ABI2: variants seen among roughly 807,000 people sequenced by gnomAD.
ABI2 encodes the protein abelson interactor 2.
A neutral mutation model predicts 59.2 loss-of-function variants in ABI2; 25 were observed. The ratio of observed to expected loss-of-function variants is 0.42; its 90% CI spans 0.31 to 0.59. The LOEUF is 0.59. ABI2 is among the 20% of genes least tolerant of loss of function. The pLI is 0.14. For missense variants in ABI2, 545 were observed against 681.8 expected (o/e 0.80, Z 2.23); for synonymous variants, 213 against 235.5 (o/e 0.90, Z 0.87).
At position 203,366,896 on chromosome 2, in the gene ABI2, C is replaced by T; in HGVS notation, c.137C>T (p.Ala46Val). 1.9e-6 allele frequency: 3 copies of T among 1,600,450 alleles called. No individual in the cohort carries two copies. The highest frequency in any genetic ancestry group is 1.7e-5 in the Admixed American group (1 of 58,990). ...NYIQSADKQR[A>V]LEETKAYTTQ... The stretch of plus-strand genomic sequence containing the variant: ...TCCCAGTCAGCAGATAAGCAGAGAG[C>T]CCTAGAAGAAACCAAAGCCTACACC... Residue 46 changes from alanine to valine, a missense_variant, in exon 2 of 12, where the codon GCC becomes GTC. By Grantham distance (64) the Ala-to-Val change is moderately conservative. Transcript: ENST00000261018.
chr2:203,410,941 A>C (rs556081856), intron 9 of ABI2, among the ~76,000 whole-genome samples: 1 of 151,354 alleles, frequency 6.6e-6, no homozygotes, highest in African/African-American at 2.4e-5. Context: ...TGATATGAAA[A>C]AAGATCAATT....
At chr2:203,378,194 G>C (rs1453938509) in intron 2 of ABI2, among the ~76,000 whole-genome samples, 4 of 151,212 alleles carry the variant, frequency 2.6e-5, no homozygotes, top group Non-Finnish European at 2.9e-5. Flanking sequence ...CTCATTGCAA[G>C]CTCTGCCTCC....
At chr2:203,415,365 C>G (rs1371677599) in intron 10 of ABI2, among the ~76,000 whole-genome samples, 1 of 152,072 alleles carries the variant, frequency 6.6e-6, no homozygotes, top group African/African-American at 2.4e-5. Context: ...CGCCTGTAAT[C>G]CCAGCACTTT....
intron 1 of ABI2, among the ~76,000 whole-genome samples, chr2:203,365,186 G>A (rs1277090535): frequency 6.6e-6 from 1 of 152,006 alleles, no homozygotes; most frequent in African/African-American, 2.4e-5. Flanking sequence ...CTTACTTTTT[G>A]GACTTTTTTT....
chr2:203,366,008 T>G (rs958275715), intron 1 of ABI2, among the ~76,000 whole-genome samples: 2 of 152,168 alleles, frequency 1.3e-5, no homozygotes, highest in African/African-American at 4.8e-5. Flanking sequence ...TTTTTTTACT[T>G]TTTGTGTTTT....
chr2:203,393,075 A>T (rs1559315712), intron 5 of ABI2, among the ~76,000 whole-genome samples: 2 of 152,060 alleles, frequency 1.3e-5, no homozygotes, highest in African/African-American at 4.8e-5. Context: ...TTTGAGACAG[A>T]GTCTCACTGG....
intron 4 of ABI2, among the ~76,000 whole-genome samples, chr2:203,387,489 G>A (rs1181568310): frequency 2.0e-5 from 3 of 152,172 alleles, no homozygotes; most frequent in Non-Finnish European, 4.4e-5. Flanking sequence ...AAGTGTTTGA[G>A]CTGTGGCCAT....
intron 1 of ABI2, among the ~76,000 whole-genome samples, chr2:203,331,169 G>A (rs984864185): frequency 2.6e-5 from 4 of 151,950 alleles, no homozygotes; most frequent in African/African-American, 4.8e-5. Context: ...CTCTCAGGAT[G>A]ATAGCTCTTA....
At chr2:203,333,796 T>C (rs1421185731) in intron 1 of ABI2, among the ~76,000 whole-genome samples, 5 of 152,224 alleles carry the variant, frequency 3.3e-5, no homozygotes, top group Admixed American at 6.5e-5. Flanking sequence ...GGAACTTAAG[T>C]GACCTCATAA....
intron 1 of ABI2, among the ~76,000 whole-genome samples, chr2:203,365,390 T>C (rs2152978088): frequency 6.6e-6 from 1 of 152,328 alleles, no homozygotes; most frequent in Non-Finnish European, 1.5e-5. Context: ...GCTTTTTCTC[T>C]TTCATCATTA....
chr2:203,387,337 A>G (rs2096570405), intron 4 of ABI2, among the ~76,000 whole-genome samples: 1 of 152,226 alleles, frequency 6.6e-6, no homozygotes. Context: ...CAGGATAGGT[A>G]GGAGCATTGT....
intron 9 of ABI2, among the ~76,000 whole-genome samples, chr2:203,407,267 T>C (rs1357860208): frequency 1.3e-5 from 2 of 152,188 alleles, no homozygotes; most frequent in African/African-American, 2.4e-5. Flanking sequence ...TTGGTATTCA[T>C]GTTTAGAAAA....
rs181881184 is a variant in ABI2 at position 203,359,846 on chromosome 2, G to T, written c.118-7031G>T. Among the ~76,000 whole-genome samples the T allele has an allele frequency of 0.011, 112 of 10,248 alleles. No individual in the cohort carries two copies. In the South Asian group the frequency reaches 0.17, roughly 16 times the overall value. The allele number at this position is 10,248 out of a possible 152,430, so 6.7% of individuals were successfully genotyped here. A position where few individuals can be genotyped will look rare whatever the true frequency, so the allele number is the denominator to read the frequency against. On this transcript the variant is annotated intron_variant, in intron 1 of 11. Coordinates refer to ENST00000261018, the MANE Select transcript of ABI2 (RefSeq NM_001375670.1). Reference sequence around the variant, plus strand: ...GTTAGGTTCCAACATGTACATTTTTGGGGGGGGGACACAAAAATTCAGACT... The same window carrying T: ...GTTAGGTTCCAACATGTACATTTTTTGGGGGGGGACACAAAAATTCAGACT...
chr2:203,354,125 A>G (rs143701304), intron 1 of ABI2, among the ~76,000 whole-genome samples: 114 of 152,014 alleles, frequency 7.5e-4, no homozygotes, highest in African/African-American at 2.7e-3. Flanking sequence ...GTTCACTGCA[A>G]CCTCCACCTC....
At position 203,394,801 on chromosome 2, in the gene ABI2, G is replaced by A. The variant is rs148405849; in HGVS notation, c.680G>A (p.Ser227Asn). 3.1e-6 allele frequency: 5 copies of A among 1,614,162 alleles called. No homozygotes were observed. In the South Asian group the frequency reaches 5.5e-5, roughly 18 times the overall value. Reference protein sequence around the residue: ...PTRNMAPSQQSPVRTASVNQR... With the variant: ...PTRNMAPSQQNPVRTASVNQR... ...CGTAATATGGCTCCCTCGCAGCAGAGCCCTGTGAGGACAGCTTCTGTGAAT... is the reference window on the plus strand; with the variant it reads ...CGTAATATGGCTCCCTCGCAGCAGAACCCTGTGAGGACAGCTTCTGTGAAT... The change falls in exon 6 of 12, where the codon AGC becomes AAC. Residue 227 changes from serine (S) to asparagine (N), a missense_variant. By Grantham distance (46) the Ser-to-Asn change is conservative. This residue lies in a region of ABI2 where 410 missense variants were observed against 435.6 expected (regional missense o/e 0.94). Coordinates refer to ENST00000261018, the MANE Select transcript of ABI2 (RefSeq NM_001375670.1).
chr2:203,362,298 T>C (rs2093623511), intron 1 of ABI2, among the ~76,000 whole-genome samples: 1 of 152,180 alleles, frequency 6.6e-6, no homozygotes, highest in Non-Finnish European at 1.5e-5. Context: ...AAGAGGAATA[T>C]ATAATGTTAG....
chr2:203,419,330 C>A (rs759787846), intron 11 of ABI2, among the ~76,000 whole-genome samples: 119 of 151,234 alleles, frequency 7.9e-4, no homozygotes, highest in Non-Finnish European at 1.2e-3. Flanking sequence ...GATCTCCTGA[C>A]CTCATGATCC....
chr2:203,401,573 A>G (rs1437899832), intron 8 of ABI2, among the ~76,000 whole-genome samples: 2 of 152,228 alleles, frequency 1.3e-5, no homozygotes, highest in African/African-American at 4.8e-5. Context: ...CAAGAGAGCA[A>G]AATACAGTGA....
chr2:203,376,713 A>G (rs1289095316), intron 2 of ABI2, among the ~76,000 whole-genome samples: 4 of 85,768 alleles, frequency 4.7e-5, no homozygotes, highest in African/African-American at 1.7e-4. Context: ...TTATCTTTCT[A>G]TTTACTGTAT....
Sources: gnomAD v4.1 joint callset for allele counts (sites outside exome capture counted in the v4.1 genomes callset) on GRCh38, gnomAD v4.1.1 for gene constraint, gnomAD v4.1.1 regional missense constraint, MANE v1.5 for transcripts, NCBI Gene and HGNC (gene_info 2026-07-23, HGNC 2026-07-21) for gene names.